Variants in UBASH3B observed in about 807,000 individuals in gnomAD.
UBASH3B encodes the protein ubiquitin associated and SH3 domain containing B, also known as ubiquitin-associated and SH3 domain-containing protein B.
Under a neutral mutation model 83.4 loss-of-function variants are expected in UBASH3B, and 37 were observed. The ratio of observed to expected loss-of-function variants is 0.44; its 90% CI spans 0.34 to 0.58. UBASH3B has a LOEUF of 0.58. Ranked by LOEUF, UBASH3B falls within the 20% of genes least tolerant of loss-of-function variation. The pLI is 0.01. For missense variants in UBASH3B, 657 were observed against 827.2 expected (o/e 0.79, Z 2.52); for synonymous variants, 304 against 318.3 (o/e 0.96, Z 0.48).
chr11:122,753,650 C>A (rs1197289619), intron 1 of UBASH3B, among the ~76,000 whole-genome samples: 2 of 151,630 alleles, frequency 1.3e-5, no homozygotes, highest in African/African-American at 4.8e-5. Flanking sequence ...GCATGCACCA[C>A]CACACCGGCT....
chr11:122,739,393 C>T (rs1388288447), intron 1 of UBASH3B, among the ~76,000 whole-genome samples: 2 of 152,134 alleles, frequency 1.3e-5, no homozygotes, highest in Non-Finnish European at 2.9e-5. Flanking sequence ...GTCACTTAAC[C>T]TCATCAAGAC....
chr11:122,784,960 C>T (rs1860922496), intron 5 of UBASH3B, among the ~76,000 whole-genome samples: 1 of 151,990 alleles, frequency 6.6e-6, no homozygotes. Flanking sequence ...GGAGGTGTGA[C>T]TGGTTGGACT....
intron 1 of UBASH3B, among the ~76,000 whole-genome samples, chr11:122,714,895 A>G (rs904660650): frequency 6.6e-6 from 1 of 152,136 alleles, no homozygotes; most frequent in Non-Finnish European, 1.5e-5. Context: ...CAATTTTAGT[A>G]CCCATGTCAT....
intron 1 of UBASH3B, among the ~76,000 whole-genome samples, chr11:122,668,617 G>C (rs899011581): frequency 6.6e-6 from 1 of 152,168 alleles, no homozygotes; most frequent in Non-Finnish European, 1.5e-5. Flanking sequence ...AAAGAAAATT[G>C]GCTTTAGAGA....
At chr11:122,732,464 T>C (rs2135954018) in intron 1 of UBASH3B, among the ~76,000 whole-genome samples, 1 of 152,380 alleles carries the variant, frequency 6.6e-6, no homozygotes, top group Middle Eastern at 3.4e-3. Flanking sequence ...CTCTTTATAC[T>C]CTTGCCCAGG....
At chr11:122,801,434 C>T (rs1861257787) in intron 11 of UBASH3B, 102 bp downstream of exon 11, 4 of 1,351,252 alleles carry the variant, frequency 3.0e-6, no homozygotes, top group South Asian at 2.7e-5. Flanking sequence ...ACATCACCTA[C>T]AGGCAGTTGT....
intron 1 of UBASH3B, among the ~76,000 whole-genome samples, chr11:122,713,337 A>G (rs1864225168): frequency 6.6e-6 from 1 of 152,204 alleles, no homozygotes; most frequent in Admixed American, 6.5e-5. Flanking sequence ...TTTGGGAAGT[A>G]AAAAGCCATG....
intron 1 of UBASH3B, among the ~76,000 whole-genome samples, chr11:122,662,423 TTTTC>T (rs1473564499): frequency 6.8e-6 from 1 of 148,106 alleles, no homozygotes; most frequent in East Asian, 2.1e-4. Flanking sequence ...TCGCTTTTTC[TTTTC>T]TTTTCTTTTT....
rs1052053368 is a variant in UBASH3B at position 122,783,235 on chromosome 11, T to C, written c.771+13T>C. ...TGCTAACCATGAGGTAATGTCTCAC[T>C]GTGGTTCCAGAAGCTACCAGGTGCA... On this transcript the variant is annotated intron_variant, in intron 5 of 13. Coordinates refer to ENST00000284273, the MANE Select transcript of UBASH3B (RefSeq NM_032873.5). 1.2e-6 allele frequency: 2 copies of C among 1,611,644 alleles called. No individual in the cohort carries two copies. Among genetic ancestry groups the C allele is most frequent in the Admixed American group, 1.7e-5 (1 of 59,814 alleles).
At chr11:122,681,763 C>T (rs1863742354) in intron 1 of UBASH3B, among the ~76,000 whole-genome samples, 1 of 152,130 alleles carries the variant, frequency 6.6e-6, no homozygotes, top group Non-Finnish European at 1.5e-5. Context: ...TTGCTTGATC[C>T]CTTCAGGGTT....
At chr11:122,727,198 C>T (rs890769844) in intron 1 of UBASH3B, among the ~76,000 whole-genome samples, 5 of 152,188 alleles carry the variant, frequency 3.3e-5, no homozygotes, top group African/African-American at 1.2e-4. Flanking sequence ...TGCAAGTGCT[C>T]CCCCAGTTTC....
In UBASH3B at chr11:122,761,779, C is replaced by CTT. The variant is rs138806467; in HGVS notation, c.162-14410_162-14409dup. Among the ~76,000 whole-genome samples the CTT allele has an allele frequency of 8.9e-4, 58 of 65,414 alleles. 1 individual carries two copies. The highest frequency in any genetic ancestry group is 2.0e-3 in the East Asian group (5 of 2,472). 42.9% of individuals were successfully genotyped at this position (65,414 alleles called of 152,430 possible). Reference sequence around the variant, plus strand: ...CATTTTCATCTGTTTCTCCCAGATCCTTTTTTTTTTTTTTTTTTTTTTTTT... The same window carrying CTT: ...CATTTTCATCTGTTTCTCCCAGATCCTTTTTTTTTTTTTTTTTTTTTTTTTTT... On this transcript the variant is annotated intron_variant, in intron 1 of 13. Transcript: ENST00000284273.
rs200613782 is a variant in UBASH3B, at chr11:122,699,531, C to CTTTCTTTCTT, written c.161+43322_161+43323insTTCTTTCTTT. Among the ~76,000 whole-genome samples the CTTTCTTTCTT allele has an allele frequency of 6.2e-3, 668 of 107,918 alleles. 12 individuals are homozygous for CTTTCTTTCTT. Among genetic ancestry groups the CTTTCTTTCTT allele is most frequent in the East Asian group, 0.057 (182 of 3,212 alleles). The allele number at this position is 107,918 out of a possible 152,430, so 70.8% of individuals were successfully genotyped here. On this transcript the variant is annotated intron_variant, in intron 1 of 13. Coordinates refer to ENST00000284273, the MANE Select transcript of UBASH3B (RefSeq NM_032873.5). ...TTTCTTTCTTTCTCTTTCTTTCTTT[C>CTTTCTTTCTT]TCTTTCTTTCTTTCTTTCTTTCTTT... is the stretch of plus-strand genomic sequence containing the variant.
At chr11:122,799,077 C>G (rs2135178982) in intron 10 of UBASH3B, 43 bp downstream of exon 10, 1 of 1,506,122 alleles carries the variant, frequency 6.6e-7, no homozygotes, top group Non-Finnish European at 9.2e-7. Context: ...CCATCCCTCT[C>G]TTTCTAGGCA....
At chr11:122,701,641 C>A (rs1387596378) in intron 1 of UBASH3B, among the ~76,000 whole-genome samples, 2 of 152,078 alleles carry the variant, frequency 1.3e-5, no homozygotes, top group African/African-American at 4.8e-5. Context: ...CACTTGTTAG[C>A]CCACTGCTGC....
chr11:122,772,242 C>T (rs1171325721), intron 1 of UBASH3B, among the ~76,000 whole-genome samples: 1 of 152,206 alleles, frequency 6.6e-6, no homozygotes, highest in East Asian at 1.9e-4. Flanking sequence ...TGACACCCTG[C>T]ACGTCTCCGT....
chr11:122,805,173 C>T (rs575896276), intron 11 of UBASH3B, among the ~76,000 whole-genome samples: 16 of 152,328 alleles, frequency 1.1e-4, no homozygotes, highest in African/African-American at 3.6e-4. Context: ...AGAAGCAAGT[C>T]ACGTCTTAAC....
chr11:122,663,482 C>T (rs11605422), intron 1 of UBASH3B, among the ~76,000 whole-genome samples: 51,471 of 152,076 alleles, frequency 0.34, 8,985 homozygotes, highest in Non-Finnish European at 0.38. Context: ...CTGCTCCCCA[C>T]CCTCAGCTGC....
rs1353881825 is a variant in UBASH3B, at chr11:122,813,860, T to C, written c.*3974T>C. The C allele has an allele frequency of 2.0e-5, 3 of 152,174 alleles. No individual in the cohort carries two copies. Among genetic ancestry groups the C allele is most frequent in the Non-Finnish European group, 4.4e-5 (3 of 68,026 alleles). The allele number at this position is 152,174 out of a possible 1,614,324, so 9.4% of individuals were successfully genotyped here. ...GGAAAGTGACTAGCTATAATGAAAA[T>C]TCAAGCGAAAAGGGAAAAAGATTGT... On this transcript the variant is annotated 3_prime_UTR_variant, in exon 14 of 14. Transcript: ENST00000284273.
Sources: allele counts gnomAD v4.1 joint callset (sites outside exome capture counted in the v4.1 genomes callset), GRCh38; gene constraint gnomAD v4.1.1; transcripts MANE v1.5; gene names NCBI Gene and HGNC (gene_info 2026-07-23, HGNC 2026-07-21).